Variants in LOC400499 observed in about 807,000 individuals in gnomAD.
the LOC400499 span, chr16:11,381,027 T>G: frequency 6.5e-6 from 1 of 153,146 alleles, no homozygotes; most frequent in East Asian, 1.9e-4. Flanking sequence ...ACCAGTCACA[T>G]TTTTGGTACT....
At chr16:11,383,282 T>C in the LOC400499 span, among the ~76,000 whole-genome samples, 1 of 152,180 alleles carries the variant, frequency 6.6e-6, no homozygotes, top group Non-Finnish European at 1.5e-5. Flanking sequence ...TTAGCCAGGA[T>C]GGTCTCGATC....
the LOC400499 span, chr16:11,460,701 C>T: frequency 1.7e-5 from 24 of 1,441,266 alleles, 1 homozygote; most frequent in South Asian, 3.1e-4. Context: ...CCCAGCCTGG[C>T]CTCAGCCACA....
chr16:11,418,693 C>T, the LOC400499 span, among the ~76,000 whole-genome samples: 2 of 152,336 alleles, frequency 1.3e-5, no homozygotes, highest in East Asian at 1.9e-4. Context: ...AACATGTTCA[C>T]ATCCCATTCC....
At chr16:11,518,173 C>T in the LOC400499 span, among the ~76,000 whole-genome samples, 1 of 152,350 alleles carries the variant, frequency 6.6e-6, no homozygotes, top group Admixed American at 6.5e-5. Context: ...AGACCCTCCC[C>T]TTGCCTTTCA....
the LOC400499 span, among the ~76,000 whole-genome samples, chr16:11,397,954 A>G: frequency 2.6e-5 from 4 of 152,116 alleles, no homozygotes; most frequent in African/African-American, 9.7e-5. Context: ...GGGTTGGTGG[A>G]TGGAAGAACC....
chr16:11,407,081 GC>G, the LOC400499 span: 1 of 395,548 alleles, frequency 2.5e-6, no homozygotes. Flanking sequence ...CCATTTCACA[GC>G]CTTGTCTGTC....
the LOC400499 span, among the ~76,000 whole-genome samples, chr16:11,436,488 C>T: frequency 2.6e-5 from 4 of 152,190 alleles, no homozygotes; most frequent in Admixed American, 1.3e-4. Flanking sequence ...GAGCCTATCC[C>T]TTTCCTGATC....
the LOC400499 span, among the ~76,000 whole-genome samples, chr16:11,434,850 G>C: frequency 6.6e-6 from 1 of 152,164 alleles, no homozygotes; most frequent in Non-Finnish European, 1.5e-5. Flanking sequence ...CTGGACCCTA[G>C]GCTCCTGAGC....
At chr16:11,399,202 C>G in the LOC400499 span, 1 of 985,172 alleles carries the variant, frequency 1.0e-6, no homozygotes, top group Admixed American at 6.1e-5. Flanking sequence ...CCCGAGAAGC[C>G]CCCTAGCATC....
the LOC400499 span, among the ~76,000 whole-genome samples, chr16:11,442,870 T>C: frequency 6.6e-6 from 1 of 152,092 alleles, no homozygotes. Context: ...ATCCTGCCAT[T>C]TGTTTCTCCC....
the LOC400499 span, among the ~76,000 whole-genome samples, chr16:11,436,297 GGGAACCAGA>G: frequency 1.0e-3 from 152 of 152,256 alleles, no homozygotes; most frequent in Admixed American, 2.4e-3. Context: ...AGTGCCCCAC[GGGAACCAGA>G]GGACCCAGAA....
At chr16:11,493,417 C>T in the LOC400499 span, among the ~76,000 whole-genome samples, 2 of 152,154 alleles carry the variant, frequency 1.3e-5, no homozygotes, top group Admixed American at 1.3e-4. Flanking sequence ...CTAGAGGGGG[C>T]ACAGATGGCA....
chr16:11,461,834 G>C, the LOC400499 span, among the ~76,000 whole-genome samples: 1 of 152,058 alleles, frequency 6.6e-6, no homozygotes, highest in South Asian at 2.1e-4. Context: ...TGCTCACTCT[G>C]TGTGTGTTTT....
chr16:11,426,309 G>GC, the LOC400499 span, among the ~76,000 whole-genome samples: 2 of 152,246 alleles, frequency 1.3e-5, no homozygotes, highest in Admixed American at 1.3e-4. Context: ...GGTGGCGCAT[G>GC]CCTGTCATCC....
the LOC400499 span, chr16:11,476,779 T>G: frequency 5.0e-6 from 2 of 399,214 alleles, no homozygotes; most frequent in African/African-American, 4.1e-5. Flanking sequence ...GCTGAGCAGC[T>G]CCACGGCCTC....
the LOC400499 span, among the ~76,000 whole-genome samples, chr16:11,526,624 T>C: frequency 1.3e-5 from 2 of 152,352 alleles, no homozygotes; most frequent in Admixed American, 1.3e-4. Flanking sequence ...AATTATATAT[T>C]GGATATATTG....
At chr16:11,503,308 C>T in the LOC400499 span, among the ~76,000 whole-genome samples, 2 of 152,164 alleles carry the variant, frequency 1.3e-5, no homozygotes, top group Non-Finnish European at 2.9e-5. Context: ...GGGCCCAAAA[C>T]TCACAAGAAA....
chr16:11,375,520 C>T, the LOC400499 span, among the ~76,000 whole-genome samples: 2 of 144,854 alleles, frequency 1.4e-5, no homozygotes, highest in Non-Finnish European at 3.0e-5. Flanking sequence ...ACCATGTTGG[C>T]CAGGCTGGTC....
the LOC400499 span, among the ~76,000 whole-genome samples, chr16:11,447,297 C>T: frequency 6.6e-5 from 10 of 152,184 alleles, no homozygotes; most frequent in East Asian, 5.8e-4. Flanking sequence ...ATCTGTAAAA[C>T]GGAGGCTAAA....
Sources: allele counts gnomAD v4.1 joint callset (sites outside exome capture counted in the v4.1 genomes callset), GRCh38; gene constraint gnomAD v4.1.1; transcripts MANE v1.5.